Variants in CDC25B observed in about 807,000 individuals in gnomAD.
The protein encoded by CDC25B is M-phase inducer phosphatase 2.
Under a neutral mutation model 69.8 loss-of-function variants are expected in CDC25B, and 33 were observed. That is an observed-to-expected ratio of 0.47 (90% confidence interval 0.36 to 0.63). The LOEUF (loss-of-function observed/expected upper bound fraction) is 0.63, where lower values mean the gene tolerates loss of function less well. Among genes scored for constraint, CDC25B ranks in the 30% least tolerant of loss-of-function variants. The pLI is 0.00. For synonymous variants in CDC25B, 341 were observed against 314.6 expected, an observed-to-expected ratio of 1.08 and a Z score of -0.89; for missense variants, 727 against 809.1, an observed-to-expected ratio of 0.90 and a Z score of 1.23.
chr20:3,804,202 C>G (rs1010456035), intron 14 of CDC25B, among the ~76,000 whole-genome samples: 5 of 152,230 alleles, frequency 3.3e-5, no homozygotes, highest in Non-Finnish European at 7.3e-5. Context: ...CCTCCCTTCT[C>G]CCCACCACTG....
At chr20:3,794,355 A>G (rs887847530), upstream of CDC25B, among the ~76,000 whole-genome samples, 1 of 147,778 alleles carries the variant, frequency 6.8e-6, no homozygotes, top group South Asian at 2.2e-4. Context: ...GCCAGTGATG[A>G]TGAGCATTTT....
At position 3,798,576 on chromosome 20, in the gene CDC25B, G is replaced by A. The variant is rs11569987; in HGVS notation, c.380+113G>A. The stretch of plus-strand genomic sequence containing the variant: ...TGGGAAAGCAGACAGACCATGGGGT[G>A]GCTTCAGGATCCCCATGGCCGGGGG... On this transcript the variant is annotated intron_variant, in intron 3 of 15. Coordinates refer to ENST00000245960, the MANE Select transcript of CDC25B (RefSeq NM_021873.4). 0.011 allele frequency: 7,845 copies of A among 734,754 alleles called. 465 individuals carry two copies. In the African/African-American group the frequency reaches 0.13, roughly 12 times the overall value. 45.5% of individuals were successfully genotyped at this position (734,754 alleles called of 1,614,324 possible). A position where few individuals can be genotyped will look rare whatever the true frequency, so the allele number is the denominator to read the frequency against.
In CDC25B at chr20:3,800,507, C is replaced by T; in HGVS notation, c.459+9C>T. The T allele has an allele frequency of 6.2e-7, 1 of 1,614,108 alleles. No homozygotes were observed. The highest frequency in any genetic ancestry group is 8.5e-7 in the Non-Finnish European group (1 of 1,179,962). On this transcript the variant is annotated intron_variant, in intron 5 of 15. Transcript: ENST00000245960. ...GCTTCCAGTCTATGCCGGTGAGTGTCTTCGAGGCCTGACTGAGGCTTAGGC... is the reference window on the plus strand; with the variant it reads ...GCTTCCAGTCTATGCCGGTGAGTGTTTTCGAGGCCTGACTGAGGCTTAGGC...
In CDC25B at chr20:3,800,875, T is replaced by C; in HGVS notation, c.582+10T>C. ...GGAAGACAAGGAGAATGTGCGCTTC[T>C]GGAAGGCCGGGGTGGGAGCTCTCCG... On this transcript the variant is annotated intron_variant, in intron 6 of 15. Coordinates refer to ENST00000245960, the MANE Select transcript of CDC25B (RefSeq NM_021873.4). The C allele has an allele frequency of 6.2e-7, 1 of 1,613,620 alleles. No homozygotes were observed. The highest frequency in any genetic ancestry group is 1.6e-4 in the Middle Eastern group (1 of 6,062).
chr20:3,804,497 G>C, intron 14 of CDC25B, 72 bp from the exon 15 acceptor site: 1 of 940,204 alleles, frequency 1.1e-6, no homozygotes, highest in South Asian at 1.4e-5. Context: ...GAGGGGACGT[G>C]GGGGATAGGT....
chr20:3,794,498 A>G (rs2088975791), upstream of CDC25B, among the ~76,000 whole-genome samples: 1 of 133,850 alleles, frequency 7.5e-6, no homozygotes, highest in Non-Finnish European at 1.6e-5. Flanking sequence ...TATTTTGAAA[A>G]TGCAAATCTC....
At chr20:3,800,688 T>G in intron 5 of CDC25B, 55 bp from the exon 6 acceptor site, 1 of 1,600,508 alleles carries the variant, frequency 6.2e-7, no homozygotes, top group Non-Finnish European at 8.5e-7. Flanking sequence ...CCTGGGCTCG[T>G]GCCGGAGGAA....
rs1600412853 is a variant in CDC25B at position 3,805,858 on chromosome 20, T to C, written c.*897T>C. The C allele has an allele frequency of 2.5e-5, 10 of 404,748 alleles. No individual in the cohort carries two copies. In the East Asian group the frequency reaches 3.5e-4, roughly 14 times the overall value. The allele number at this position is 404,748 out of a possible 1,614,324, so 25.1% of individuals were successfully genotyped here. A position where few individuals can be genotyped will look rare whatever the true frequency, so the allele number is the denominator to read the frequency against. On this transcript the variant is annotated 3_prime_UTR_variant, in exon 16 of 16. Transcript: ENST00000245960. The stretch of plus-strand genomic sequence containing the variant: ...GGCCGTGGATGCGCAGTGCCTTGCA[T>C]ACCCAAACCAGGTGGGAGCGTTTTG...
chr20:3,793,829 T>C (rs183964793), upstream of CDC25B, among the ~76,000 whole-genome samples: 10 of 147,254 alleles, frequency 6.8e-5, no homozygotes, highest in East Asian at 2.0e-3. Context: ...AATTCCCACC[T>C]ATGAGTAGAA....
In CDC25B at chr20:3,801,281, G is replaced by A. The variant is rs1416292708; in HGVS notation, c.733G>A (p.Val245Met). The part of the protein sequence containing the change: ...MCLSPDRKME[V>M]EELSPLALGR... ...TCTCAGTCCTGACCGGAAGATGGAA[G>A]TGGAGGAGCTCAGCCCCCTGGCCCT... is the stretch of plus-strand genomic sequence containing the variant. Residue 245 changes from valine (V) to methionine (M), a missense_variant, in exon 8 of 16, where the codon GTG (valine) becomes ATG (methionine). Val to Met is a conservative substitution (Grantham distance 21). Coordinates refer to ENST00000245960, the MANE Select transcript of CDC25B (RefSeq NM_021873.4). The A allele has an allele frequency of 1.2e-6, 2 of 1,614,086 alleles. No homozygotes were observed. Among genetic ancestry groups the A allele is most frequent in the Non-Finnish European group, 8.5e-7 (1 of 1,179,992 alleles).
rs751731148 is a variant in CDC25B at position 3,802,016 on chromosome 20, G to T, written c.1014G>T (p.Arg338=). ...GGCCCATCCTCAAGAGGCTGGAGCGGCCCCAGGACAGGGACACGCCCGTGC... is the reference window on the plus strand; with the variant it reads ...GGCCCATCCTCAAGAGGCTGGAGCGTCCCCAGGACAGGGACACGCCCGTGC... The part of the protein sequence containing the change: ...VIRPILKRLE[R]PQDRDTPVQN... The change falls in exon 10 of 16, where the codon CGG becomes CGT. Residue 338 remains arginine (R), a synonymous_variant. Transcript: ENST00000245960. The T allele has an allele frequency of 6.3e-7, 1 of 1,595,394 alleles. No individual in the cohort carries two copies. The highest frequency in any genetic ancestry group is 8.5e-7 in the Non-Finnish European group (1 of 1,171,468).
At chr20:3,798,749 T>C (rs2089158483) in intron 3 of CDC25B, among the ~76,000 whole-genome samples, 1 of 152,254 alleles carries the variant, frequency 6.6e-6, no homozygotes, top group African/African-American at 2.4e-5. Flanking sequence ...ACAGCCCATG[T>C]CTTGCAGGAA....
upstream of CDC25B, chr20:3,796,228 C>G (rs1600385367): frequency 1.6e-6 from 2 of 1,285,552 alleles, no homozygotes; most frequent in Non-Finnish European, 9.8e-7. Context: ...TCATCTAACC[C>G]GCTACCCCAT....
At chr20:3,793,567 T>C (rs577901942), upstream of CDC25B, among the ~76,000 whole-genome samples, 2,079 of 131,812 alleles carry the variant, frequency 0.016, 44 homozygotes, top group African/African-American at 0.06. Context: ...TTTTTGGTTT[T>C]AGAGAATTTT....
At position 3,802,289 on chromosome 20, in the gene CDC25B, C is replaced by T. The variant is rs143612466; in HGVS notation, c.1107C>T (p.Arg369=). 1.1e-5 allele frequency: 18 copies of T among 1,610,688 alleles called. No individual in the cohort carries two copies. The highest frequency in any genetic ancestry group is 6.7e-5 in the African/African-American group (5 of 74,908). ...TCTGACTCACTTTCCAGAAAGCCCG[C>T]GTCCTCCGCTCAAAATCACTGTGTC... The part of the protein sequence containing the change: ...EQQEAEEPKA[R]VLRSKSLCHD... The change falls in exon 11 of 16, where the codon CGC becomes CGT. Residue 369 remains arginine, a synonymous_variant. Transcript: ENST00000245960.
At chr20:3,800,373 T>C (rs760045547) in intron 4 of CDC25B, 44 bp downstream of exon 4, 20 of 1,613,516 alleles carry the variant, frequency 1.2e-5, no homozygotes, top group Non-Finnish European at 1.7e-6. Flanking sequence ...AGCTTTCCCT[T>C]AGGACAGGGC....
In CDC25B at chr20:3,798,352, G is replaced by A. The variant is rs368985391; in HGVS notation, c.329-60G>A. 4 of 775,234 alleles carry A rather than the reference G, an allele frequency of 5.2e-6. No individual in the cohort carries two copies. The Admixed American group carries it at 1.2e-4, about 24-fold the overall frequency. The allele number at this position is 775,234 out of a possible 1,614,324, so 48.0% of individuals were successfully genotyped here. On this transcript the variant is annotated intron_variant, in intron 2 of 15. Transcript: ENST00000245960. ...TTTTTTTTTTTCATATTGGGACATG[G>A]TGGGGGAAAGAATACAGAAAGTGCC...
chr20:3,796,583 G>C lies in CDC25B; in HGVS notation c.52G>C (p.Gly18Arg). Residue 18 changes from glycine to arginine, a missense_variant, in exon 1 of 16, where the codon GGC becomes CGC. Gly to Arg is a moderately radical substitution (Grantham distance 125). Transcript: ENST00000245960. Reference protein sequence around the residue: ...PAPGSALSPAGVCGGAQRPGH... With the variant: ...PAPGSALSPARVCGGAQRPGH... ...GCCAGGCTCGGCTCTCAGTCCAGCA[G>C]GCGTGTGCGGTGGCGCCCAGCGTCC... is the stretch of plus-strand genomic sequence containing the variant. 1 of 1,454,120 alleles carries C rather than the reference G, an allele frequency of 6.9e-7. No homozygotes were observed. The highest frequency in any genetic ancestry group is 1.5e-5 in the African/African-American group (1 of 67,312). 90.1% of individuals were successfully genotyped at this position (1,454,120 alleles called of 1,614,324 possible).
chr20:3,796,051 G>A, upstream of CDC25B: 1 of 1,001,764 alleles, frequency 1.0e-6, no homozygotes, highest in Non-Finnish European at 1.2e-6. Flanking sequence ...TTGGGAGTGT[G>A]GAGCTCCAAA....
Sources: allele counts gnomAD v4.1 joint callset (sites outside exome capture counted in the v4.1 genomes callset), GRCh38; gene constraint gnomAD v4.1.1; transcripts MANE v1.5; gene names NCBI Gene and HGNC (gene_info 2026-07-23, HGNC 2026-07-21).